The following AKAP9 variants were observed in gnomAD, a reference collection of about 807,000 sequenced individuals.
The protein encoded by AKAP9 is A-kinase anchor protein 9.
In AKAP9, 311 loss-of-function variants were observed where a neutral mutation model predicts 488.5. That is an observed-to-expected ratio of 0.64 (90% CI 0.58 to 0.70). AKAP9 has a LOEUF of 0.70. Among genes scored for constraint, AKAP9 ranks in the 30% least tolerant of loss-of-function variants. The pLI, the probability that AKAP9 is intolerant of heterozygous loss-of-function variation, is 0.00. For synonymous variants in AKAP9, 1,462 were observed against 1,483.5 expected (o/e 0.99, Z 0.33); for missense variants, 4,215 against 4,374.5 (o/e 0.96, Z 1.03).
At chr7:92,011,213 C>T (rs1800702065) in intron 8 of AKAP9, among the ~76,000 whole-genome samples, 1 of 152,176 alleles carries the variant, frequency 6.6e-6, no homozygotes. Context: ...CCACTTTCAA[C>T]ATCACTATTT....
intron 23 of AKAP9, among the ~76,000 whole-genome samples, chr7:92,061,893 A>G (rs151186638): frequency 0.011 from 1,687 of 152,156 alleles, 142 homozygotes; most frequent in Admixed American, 0.1. Flanking sequence ...TACTTAAAAT[A>G]CCAACCTTCT....
At chr7:92,003,338 A>T in intron 8 of AKAP9, 103 bp downstream of exon 8, 1 of 848,788 alleles carries the variant, frequency 1.2e-6, no homozygotes, top group Non-Finnish European at 1.8e-6. Context: ...CTTACAAGAG[A>T]ATGAAAATGA....
At position 92,095,093 on chromosome 7, in the gene AKAP9, T is replaced by A. The variant is rs1387599838; in HGVS notation, c.9649T>A (p.Ser3217Thr). ...NDTLASEQKK[S>T]RELQWALEKE... Reference sequence around the variant, plus strand: ...CACATTAGCAAGTGAACAGAAAAAATCAAGAGAGCTCCAGTGGGCTTTGGA... The same window carrying A: ...CACATTAGCAAGTGAACAGAAAAAAACAAGAGAGCTCCAGTGGGCTTTGGA... Residue 3217 changes from serine to threonine, a missense_variant, in exon 40 of 50, where the codon TCA (serine) becomes ACA (threonine). By Grantham distance (58) the Ser-to-Thr change is moderately conservative. Coordinates refer to ENST00000356239, the MANE Select transcript of AKAP9 (RefSeq NM_005751.5). 6.2e-7 allele frequency: 1 copy of A among 1,614,018 alleles called. No homozygotes were observed. Among genetic ancestry groups the A allele is most frequent in the South Asian group, 1.1e-5 (1 of 91,074 alleles).
intron 1 of AKAP9, among the ~76,000 whole-genome samples, chr7:91,950,029 T>A (rs1791994385): frequency 6.6e-6 from 1 of 152,128 alleles, no homozygotes; most frequent in East Asian, 1.9e-4. Context: ...ATAATCAACT[T>A]TACTATACAA....
chr7:92,108,656 T>G (rs1818909767), intron 49 of AKAP9, 23 bp downstream of exon 49: 1 of 1,614,084 alleles, frequency 6.2e-7, no homozygotes, highest in Non-Finnish European at 8.5e-7. Flanking sequence ...TAACCACATC[T>G]TGGCAGCACC....
chr7:92,029,977 G>A lies in AKAP9; in HGVS notation c.4231G>A (p.Asp1411Asn), dbSNP rs1803954697. The A allele has an allele frequency of 6.2e-7, 1 of 1,605,140 alleles. No individual in the cohort carries two copies. Among genetic ancestry groups the A allele is most frequent in the South Asian group, 1.1e-5 (1 of 90,812 alleles). The stretch of plus-strand genomic sequence containing the variant: ...TGGAAGTTGTGTGAAAAAGAATATT[G>A]ATGGTACAATAGAGGTATTATATTT... Reference protein sequence around the residue: ...YPGSCVKKNIDGTIEFSGEFG... With the variant: ...YPGSCVKKNINGTIEFSGEFG... The change falls in exon 15 of 50, where the codon GAT (aspartate) becomes AAT (asparagine). Residue 1411 changes from aspartate to asparagine, a missense_variant. Coordinates refer to ENST00000356239, the MANE Select transcript of AKAP9 (RefSeq NM_005751.5).
chr7:91,959,488 T>A (rs1793467872), intron 1 of AKAP9, among the ~76,000 whole-genome samples: 1 of 151,976 alleles, frequency 6.6e-6, no homozygotes, highest in Non-Finnish European at 1.5e-5. Context: ...TTTACTTTTT[T>A]AAGAGATGGA....
intron 1 of AKAP9, among the ~76,000 whole-genome samples, chr7:91,964,765 C>A (rs2130528183): frequency 6.6e-6 from 1 of 152,194 alleles, no homozygotes; most frequent in Admixed American, 6.5e-5. Flanking sequence ...TACCCTTCAA[C>A]AAAATCTAAC....
At chr7:91,995,907 A>C (rs2130647228) in intron 7 of AKAP9, 107 bp downstream of exon 7, 1 of 777,752 alleles carries the variant, frequency 1.3e-6, no homozygotes, top group Non-Finnish European at 2.1e-6. Flanking sequence ...AAAATTTCAT[A>C]ATTAAGCTCT....
rs1433385402 is a variant in AKAP9, at chr7:92,001,384, G to A, written c.1467G>A (p.Lys489=). The change falls in exon 8 of 50, where the codon AAG becomes AAA. Residue 489 remains lysine, a synonymous_variant. Transcript: ENST00000356239. The part of the protein sequence containing the change: ...SNITVNEDQI[K]LMNVAINELN... ...TTACAGTTAATGAAGATCAGATAAA[G>A]TTAATGAATGTGGCAATAAATGAAC... 1 of 1,613,820 alleles carries A rather than the reference G, an allele frequency of 6.2e-7. No individual in the cohort carries two copies. The highest frequency in any genetic ancestry group is 2.2e-5 in the East Asian group (1 of 44,874).
At chr7:92,007,526 AC>A (rs1354458621) in intron 8 of AKAP9, among the ~76,000 whole-genome samples, 4 of 152,202 alleles carry the variant, frequency 2.6e-5, no homozygotes, top group African/African-American at 9.6e-5. Context: ...TATGAATAAA[AC>A]AATGTAAATA....
At chr7:91,980,510 T>TTTTTTC in intron 3 of AKAP9, among the ~76,000 whole-genome samples, 177 bp downstream of exon 3, 1 of 142,498 alleles carries the variant, frequency 7.0e-6, no homozygotes, top group Non-Finnish European at 1.5e-5. Context: ...TTTTTTTTTT[T>TTTTTTC]TTTTTTTTCA....
chr7:92,066,379 C>T (rs368097928), intron 25 of AKAP9, 48 bp from the exon 26 acceptor site: 1 of 1,605,856 alleles, frequency 6.2e-7, no homozygotes, highest in African/African-American at 1.3e-5. Flanking sequence ...AATAGCTTCT[C>T]TAAATACTGT....
rs2237568 is a variant in AKAP9, at chr7:91,993,362, G to A, written c.576+307G>A. Among the ~76,000 whole-genome samples the A allele has an allele frequency of 0.4, 60,578 of 151,358 alleles. 12,399 individuals are homozygous for A. The highest frequency in any genetic ancestry group is 0.46 in the African/African-American group (19,009 of 41,292). ...CACTACCACACCCAGCTAATTTTTT[G>A]TAGAGACAGGGTGTCACCTCAGATT... On this transcript the variant is annotated intron_variant, in intron 5 of 49. Transcript: ENST00000356239.
Position 92,042,032 on chromosome 7 carries a change from T to C in AKAP9, c.4918-14T>C. The C allele has an allele frequency of 6.2e-7, 1 of 1,613,256 alleles. No homozygotes were observed. The highest frequency in any genetic ancestry group is 8.5e-7 in the Non-Finnish European group (1 of 1,179,564). ...CACAAACAGTATTCTTTCATGACCT[T>C]TTTTCTTATTTAGAGATCCTCCATA... On this transcript the variant is annotated splice_polypyrimidine_tract_variant and intron_variant, in intron 18 of 49. Coordinates refer to ENST00000356239, the MANE Select transcript of AKAP9 (RefSeq NM_005751.5).
chr7:92,042,317 T>A, intron 19 of AKAP9, 131 bp downstream of exon 19: 1 of 1,228,798 alleles, frequency 8.1e-7, no homozygotes, highest in Non-Finnish European at 1.2e-6. Context: ...TGCATGTGTG[T>A]AAGGTAGGTG....
intron 1 of AKAP9, among the ~76,000 whole-genome samples, chr7:91,955,896 G>C (rs1267894359): frequency 6.6e-6 from 1 of 152,214 alleles, no homozygotes; most frequent in African/African-American, 2.4e-5. Flanking sequence ...GCCTCCCAAA[G>C]TGCTGGGATT....
chr7:92,061,609 T>TATATATAA, intron 23 of AKAP9, among the ~76,000 whole-genome samples, 187 bp downstream of exon 23: 1 of 141,546 alleles, frequency 7.1e-6, no homozygotes, highest in Non-Finnish European at 1.5e-5. Flanking sequence ...TATATATATA[T>TATATATAA]ATATATATAT....
intron 1 of AKAP9, among the ~76,000 whole-genome samples, chr7:91,962,965 G>T (rs1396733061): frequency 1.3e-5 from 2 of 152,072 alleles, no homozygotes; most frequent in African/African-American, 2.4e-5. Flanking sequence ...CCTTTGCCCT[G>T]ATATATTTTG....
Sources: allele counts gnomAD v4.1 joint callset (sites outside exome capture counted in the v4.1 genomes callset), GRCh38; gene constraint gnomAD v4.1.1; transcripts MANE v1.5; gene names NCBI Gene and HGNC (gene_info 2026-07-23, HGNC 2026-07-21).